FAM120A: variants seen among roughly 807,000 people sequenced by gnomAD.
FAM120A encodes the protein family with sequence similarity 120 member A.
A neutral mutation model predicts 109.7 loss-of-function variants in FAM120A; 15 were observed. That is an observed-to-expected ratio of 0.14 (90% CI 0.09 to 0.21). The LOEUF is 0.21. FAM120A is among the 10% of genes least tolerant of loss of function. FAM120A has a pLI of 1.00. For missense variants in FAM120A, 899 were observed against 1,439.3 expected (o/e 0.62, Z 6.07); for synonymous variants, 493 against 572.8 (o/e 0.86, Z 1.99).
Position 93,523,692 on chromosome 9 carries a change from C to T in FAM120A, c.1419-3463C>T, listed in dbSNP as rs569996408. Among the ~76,000 whole-genome samples, 7 of 152,300 alleles carry T rather than the reference C, an allele frequency of 4.6e-5. No individual in the cohort carries two copies. In the South Asian group the frequency reaches 1.2e-3, roughly 27 times the overall value. On this transcript the variant is annotated intron_variant, in intron 7 of 17. Coordinates refer to ENST00000277165, the MANE Select transcript of FAM120A (RefSeq NM_014612.5). ...GGGATAGCTCCGTGACCAGTTGGGG[C>T]TTCTTGGTCACACTGTCTTCTGATG...
At chr9:93,505,623 A>C (rs1160676201) in intron 5 of FAM120A, among the ~76,000 whole-genome samples, 2 of 152,212 alleles carry the variant, frequency 1.3e-5, no homozygotes, top group African/African-American at 4.8e-5. Context: ...TTTGCTTCAC[A>C]ATAATGCAGT....
At chr9:93,518,451 A>T (rs772164540) in intron 7 of FAM120A, among the ~76,000 whole-genome samples, 5 of 152,258 alleles carry the variant, frequency 3.3e-5, no homozygotes, top group Non-Finnish European at 5.9e-5. Context: ...CCTTTGGTTT[A>T]GAATTGAATG....
chr9:93,463,052 T>TAGGGTAG (rs1857865101), intron 1 of FAM120A, among the ~76,000 whole-genome samples: 1 of 152,232 alleles, frequency 6.6e-6, no homozygotes, highest in Non-Finnish European at 1.5e-5. Context: ...TGCTGTATCT[T>TAGGGTAG]AGGGTAGTTC....
intron 1 of FAM120A, among the ~76,000 whole-genome samples, chr9:93,462,642 T>G (rs944739104): frequency 2.6e-5 from 4 of 152,160 alleles, no homozygotes; most frequent in African/African-American, 9.7e-5. Context: ...ATTCCCAGAA[T>G]TTTTTCCTCA....
chr9:93,530,209 AT>A (rs11296742), intron 9 of FAM120A: 28,086 of 152,560 alleles, frequency 0.18, 3,050 homozygotes, highest in African/African-American at 0.3. Context: ...GGCATCAATT[AT>A]TTTTTAATCT....
intron 11 of FAM120A, among the ~76,000 whole-genome samples, chr9:93,548,129 G>A (rs966313678): frequency 1.3e-5 from 2 of 151,864 alleles, no homozygotes; most frequent in African/African-American, 4.8e-5. Flanking sequence ...TTTTTGAGAT[G>A]GAGTCTTGCT....
At chr9:93,482,736 C>T (rs1247192991) in intron 3 of FAM120A, among the ~76,000 whole-genome samples, 1 of 151,982 alleles carries the variant, frequency 6.6e-6, no homozygotes, top group African/African-American at 2.4e-5. Context: ...CACAGCAGAC[C>T]CCACAGTGGG....
chr9:93,508,975 C>T (rs1442608594), intron 5 of FAM120A, among the ~76,000 whole-genome samples: 1 of 152,220 alleles, frequency 6.6e-6, no homozygotes, highest in Non-Finnish European at 1.5e-5. Flanking sequence ...GATGACTGAT[C>T]CTAAGCTGCG....
chr9:93,467,338 G>A (rs1272653351), intron 1 of FAM120A, among the ~76,000 whole-genome samples: 1 of 142,466 alleles, frequency 7.0e-6, no homozygotes, highest in East Asian at 2.1e-4. Context: ...TTACTCTTGT[G>A]GTTTTTAATG....
At chr9:93,503,452 A>G (rs185599663) in intron 5 of FAM120A, among the ~76,000 whole-genome samples, 15 of 152,312 alleles carry the variant, frequency 9.8e-5, no homozygotes, top group African/African-American at 3.4e-4. Flanking sequence ...ACATAAGTAC[A>G]TATCACTAAG....
intron 12 of FAM120A, among the ~76,000 whole-genome samples, chr9:93,553,212 ACCCCTGT>A (rs1393361624): frequency 6.6e-6 from 1 of 152,098 alleles, no homozygotes; most frequent in Non-Finnish European, 1.5e-5. Flanking sequence ...ATTAGCACTG[ACCCCTGT>A]GTTTTGAGGA....
intron 1 of FAM120A, among the ~76,000 whole-genome samples, chr9:93,459,950 G>A (rs985914268): frequency 6.6e-6 from 1 of 152,206 alleles, no homozygotes; most frequent in East Asian, 1.9e-4. Flanking sequence ...AAATGTTTGC[G>A]ATAGAGATGT....
chr9:93,517,981 A>G (rs1024434484), intron 7 of FAM120A, among the ~76,000 whole-genome samples: 2 of 152,050 alleles, frequency 1.3e-5, no homozygotes, highest in African/African-American at 4.8e-5. Context: ...CCAAGTGCTT[A>G]TTGTCTTTAT....
chr9:93,482,116 C>T (rs1313355228), intron 3 of FAM120A, among the ~76,000 whole-genome samples: 1 of 151,976 alleles, frequency 6.6e-6, no homozygotes, highest in Non-Finnish European at 1.5e-5. Context: ...CATTATCTTT[C>T]CCTGAGGCAC....
At chr9:93,531,590 A>T (rs543422459) in intron 9 of FAM120A, among the ~76,000 whole-genome samples, 1 of 152,340 alleles carries the variant, frequency 6.6e-6, no homozygotes, top group South Asian at 2.1e-4. Flanking sequence ...TTTCTGCCCT[A>T]GTGGCTATGC....
chr9:93,505,303 G>A (rs569810709), intron 5 of FAM120A, among the ~76,000 whole-genome samples: 107 of 152,052 alleles, frequency 7.0e-4, no homozygotes, highest in Admixed American at 4.3e-3. Context: ...CTCGTGATCC[G>A]CCCGCCTCGG....
In FAM120A at chr9:93,562,058, A is replaced by T. The variant is rs1862487661; in HGVS notation, c.2949-150A>T. ...TACTGCTCAAGGTCTGACTGCAAAA[A>T]TTCAACAAATTGCAACTTCCGGCAT... On this transcript the variant is annotated intron_variant, in intron 16 of 17. Transcript: ENST00000277165. 8 of 649,422 alleles carry T rather than the reference A, an allele frequency of 1.2e-5. No homozygotes were observed. The South Asian group carries it at 1.6e-4, about 13-fold the overall frequency. 40.2% of individuals were successfully genotyped at this position (649,422 alleles called of 1,614,324 possible).
intron 3 of FAM120A, among the ~76,000 whole-genome samples, chr9:93,496,557 G>A (rs79776824): frequency 0.043 from 6,486 of 152,242 alleles, 465 homozygotes; most frequent in African/African-American, 0.15. Context: ...GTCCAGCCTC[G>A]AGCATCTGAG....
Position 93,452,828 on chromosome 9 carries a change from T to C in FAM120A, c.474+439T>C. ...TCTTGGAAGCAGGCAGGATACAGAG[T>C]AATAGAGGGGGTTTCGCCAGAGCCC... is the stretch of plus-strand genomic sequence containing the variant. On this transcript the variant is annotated intron_variant, in intron 1 of 17. Transcript: ENST00000277165. The surrounding 1 kb of genome is among the most constrained non-coding windows in gnomAD (Gnocchi z 7.0). 5 of 1,548,226 alleles carry C rather than the reference T, an allele frequency of 3.2e-6. No individual in the cohort carries two copies. The Middle Eastern group carries it at 5.6e-4, about 173-fold the overall frequency.
Sources: allele counts gnomAD v4.1 joint callset (sites outside exome capture counted in the v4.1 genomes callset), GRCh38; gene constraint gnomAD v4.1.1; non-coding constraint Gnocchi (gnomAD v3.1); transcripts MANE v1.5; gene names NCBI Gene and HGNC (gene_info 2026-07-23, HGNC 2026-07-21).